Variants in ZNF512B observed in about 807,000 individuals in gnomAD.
ZNF512B encodes zinc finger protein 512B.
ZNF512B carries 22 observed loss-of-function variants against 87.8 expected under a neutral mutation model. That is an observed-to-expected ratio of 0.25 (90% CI 0.18 to 0.36). The LOEUF is 0.36. Ranked by LOEUF, ZNF512B falls within the 10% of genes least tolerant of loss-of-function variation. The pLI, the probability that ZNF512B is intolerant of heterozygous loss-of-function variation, is 1.00. For synonymous variants in ZNF512B, 524 were observed against 490.9 expected, an observed-to-expected ratio of 1.07 and a Z score of -0.89; for missense variants, 1,060 against 1,231.6, an observed-to-expected ratio of 0.86 and a Z score of 2.09.
At position 63,963,657 on chromosome 20, in the gene ZNF512B, G is replaced by C; in HGVS notation, c.1659C>G (p.Ala553=). 6.2e-7 allele frequency: 1 copy of C among 1,613,690 alleles called. No individual in the cohort carries two copies. The highest frequency in any genetic ancestry group is 8.5e-7 in the Non-Finnish European group (1 of 1,180,028). Residue 553 remains alanine, a synonymous_variant, in exon 10 of 17, where the codon GCC becomes GCG. Coordinates refer to ENST00000369888, the MANE Select transcript of ZNF512B (RefSeq NM_020713.3). ...CGGCCATAGTGTGGTAGTTGAGGCC[G>C]GCTTTGGACTTGAACTGCTTCCGGC... The part of the protein sequence containing the change: ...QHCRKQFKSK[A]GLNYHTMAEH...
At chr20:63,962,125 G>A (rs2058859414) in intron 14 of ZNF512B, 121 bp from the exon 15 acceptor site, 2 of 1,330,494 alleles carry the variant, frequency 1.5e-6, no homozygotes, top group African/African-American at 2.9e-5. Flanking sequence ...TGTGAGTCCT[G>A]GGGACTGGGC....
At position 63,961,676 on chromosome 20, in the gene ZNF512B, C is replaced by T. The variant is rs1036399011; in HGVS notation, c.2328+266G>A. 1.3e-5 allele frequency among the ~76,000 whole-genome samples: 2 copies of T among 152,020 alleles called. No individual in the cohort carries two copies. Among genetic ancestry groups the T allele is most frequent in the Non-Finnish European group, 2.9e-5 (2 of 67,986 alleles). The stretch of plus-strand genomic sequence containing the variant: ...AAGCCAGTGTGCCATCTGCGTGGGT[C>T]GGGGTGCCCACCCATGCCTACATGG... On this transcript the variant is annotated intron_variant, in intron 15 of 16. Coordinates refer to ENST00000369888, the MANE Select transcript of ZNF512B (RefSeq NM_020713.3). This position sits in a 1 kb window ranked among gnomAD's most constrained non-coding sequence, Gnocchi z 6.4.
chr20:63,959,911 C>A lies in ZNF512B; in HGVS notation c.2656G>T (p.Val886Phe), dbSNP rs764118510. ...ARGSTGRKVG[V>F]SKAPEK ...GCTCACTTTTCAGGCGCCTTGCTGA[C>A]TCCCACCTTCCGGCCGGTGGAGCCC... The change falls in exon 17 of 17, where the codon GTC becomes TTC. Residue 886 changes from valine (V) to phenylalanine (F), a missense_variant. Val to Phe is a conservative substitution (Grantham distance 50). This residue lies in a region of ZNF512B where 253 missense variants were observed against 259.2 expected (regional missense o/e 0.98). Transcript: ENST00000369888. 1 of 1,599,246 alleles carries A rather than the reference C, an allele frequency of 6.3e-7. No individual in the cohort carries two copies. The highest frequency in any genetic ancestry group is 1.1e-5 in the South Asian group (1 of 90,308).
At chr20:63,968,078 G>A in intron 1 of ZNF512B, 126 bp from the exon 2 acceptor site, 1 of 1,270,784 alleles carries the variant, frequency 7.9e-7, no homozygotes, top group South Asian at 1.5e-5. Flanking sequence ...GCCTTCCTGT[G>A]GTTTTGTTCA....
At chr20:63,966,846 C>G in intron 4 of ZNF512B, 30 bp downstream of exon 4, 1 of 1,612,832 alleles carries the variant, frequency 6.2e-7, no homozygotes, top group Non-Finnish European at 8.5e-7. Context: ...CACCCCGAGG[C>G]CTCCTCTCCC....
rs1448213281 is a variant in ZNF512B at position 63,963,637 on chromosome 20, A to G, written c.1679T>C (p.Met560Thr). 2 of 1,613,526 alleles carry G rather than the reference A, an allele frequency of 1.2e-6. No individual in the cohort carries two copies. Among genetic ancestry groups the G allele is most frequent in the East Asian group, 2.2e-5 (1 of 44,896 alleles). ...KSKAGLNYHT[M>T]AEHSAKPSDA... is the part of the protein sequence containing the mutation. ...CGGTACCTTGGCACTGTGCTCGGCC[A>G]TAGTGTGGTAGTTGAGGCCGGCTTT... is the stretch of plus-strand genomic sequence containing the variant. Residue 560 changes from methionine (M) to threonine (T), a missense_variant, in exon 10 of 17, where the codon ATG becomes ACG. Coordinates refer to ENST00000369888, the MANE Select transcript of ZNF512B (RefSeq NM_020713.3).
intron 1 of ZNF512B, chr20:63,969,163 A>G (rs2058955804): frequency 1.0e-6 from 1 of 985,356 alleles, no homozygotes; most frequent in Admixed American, 6.1e-5. Context: ...GGCCGGCATG[A>G]GTCATCCCAG....
chr20:63,964,517 C>T lies in ZNF512B; in HGVS notation c.1234G>A (p.Glu412Lys), dbSNP rs755632051. ...LKAAGPASPP[E>K]EDPERTKHRR... ...TGCTTTGTGCGCTCCGGGTCCTCCT[C>T]AGGCGGGGACGCAGGGCCTGCAGCC... is the stretch of plus-strand genomic sequence containing the variant. Residue 412 changes from glutamate to lysine, a missense_variant, in exon 6 of 17, where the codon GAG becomes AAG. By Grantham distance (56) the Glu-to-Lys change is moderately conservative. This residue lies in a region of ZNF512B where 212 missense variants were observed against 207.6 expected (regional missense o/e 1.02). Coordinates refer to ENST00000369888, the MANE Select transcript of ZNF512B (RefSeq NM_020713.3). The T allele has an allele frequency of 1.2e-6, 2 of 1,612,778 alleles. No homozygotes were observed. The highest frequency in any genetic ancestry group is 8.5e-7 in the Non-Finnish European group (1 of 1,179,898).
In ZNF512B at chr20:63,969,905, C is replaced by A. The variant is rs1601490966; in HGVS notation, c.-94G>T. 6.8e-6 allele frequency: 1 copy of A among 146,366 alleles called. No individual in the cohort carries two copies. The highest frequency in any genetic ancestry group is 2.0e-4 in the East Asian group (1 of 4,974). 9.1% of individuals were successfully genotyped at this position (146,366 alleles called of 1,614,324 possible). On this transcript the variant is annotated 5_prime_UTR_variant, in exon 1 of 17. Coordinates refer to ENST00000369888, the MANE Select transcript of ZNF512B (RefSeq NM_020713.3). ...CGCTGGGTCCGGGCGGCGCAGGCTG[C>A]GCGCCGCGCTGCGCACATGCGCGCT...
chr20:63,962,441 C>A (rs748804188), intron 13 of ZNF512B, 67 bp from the exon 14 acceptor site: 4 of 1,561,170 alleles, frequency 2.6e-6, no homozygotes, highest in Admixed American at 1.9e-5. Context: ...TAAGAACACT[C>A]GCCTCGGCAG....
At chr20:63,967,286 T>C in intron 3 of ZNF512B, 95 bp downstream of exon 3, 1 of 1,487,946 alleles carries the variant, frequency 6.7e-7, no homozygotes, top group South Asian at 1.3e-5. Flanking sequence ...AGGCATAGAG[T>C]TGGTACCAGA....
At position 63,967,486 on chromosome 20, in the gene ZNF512B, G is replaced by A; in HGVS notation, c.159C>T (p.Gly53=). The change falls in exon 3 of 17, where the codon GGC becomes GGT. Residue 53 remains glycine, a synonymous_variant. Transcript: ENST00000369888. ...PVVRGGQTVP[G]QAPLCFDPGS... is the part of the protein sequence containing the mutation. ...CCGGGTCAAAGCAGAGAGGGGCCTG[G>A]CCGGGCACTGTCTGTCCACCACGGA... 6.2e-7 allele frequency: 1 copy of A among 1,611,338 alleles called. No individual in the cohort carries two copies. The highest frequency in any genetic ancestry group is 8.5e-7 in the Non-Finnish European group (1 of 1,178,886).
At chr20:63,964,945 C>T (rs1318588659) in intron 5 of ZNF512B, among the ~76,000 whole-genome samples, 1 of 48,318 alleles carries the variant, frequency 2.1e-5, no homozygotes, top group Non-Finnish European at 4.2e-5. Flanking sequence ...GACGAGCCCC[C>T]ATACCTTTTC....
In ZNF512B at chr20:63,966,963, G is replaced by T; in HGVS notation, c.306C>A (p.His102Gln). 1 of 1,613,738 alleles carries T rather than the reference G, an allele frequency of 6.2e-7. No homozygotes were observed. The highest frequency in any genetic ancestry group is 1.7e-5 in the Admixed American group (1 of 60,028). ...MNDWKDEFKA[H>Q]SRVKCPNSGC... ...CTGAGTTTGGACACTTCACCCTCGA[G>T]TGTGCCTTGAACTCATCCTTCCAGT... Residue 102 changes from histidine (H) to glutamine (Q), a missense_variant, in exon 4 of 17, where the codon CAC becomes CAA. This residue lies in a region of ZNF512B where 134 missense variants were observed against 153.6 expected (regional missense o/e 0.87). Transcript: ENST00000369888.
intron 6 of ZNF512B, 22 bp from the exon 7 acceptor site, chr20:63,964,413 G>C (rs371367841): frequency 1.9e-4 from 305 of 1,613,694 alleles, no homozygotes; most frequent in Non-Finnish European, 2.4e-4. Flanking sequence ...AGAGAAAACG[G>C]GGGCCAAGAT....
chr20:63,960,016 G>C lies in ZNF512B; in HGVS notation c.2551C>G (p.Arg851Gly). 6.2e-7 allele frequency: 1 copy of C among 1,613,508 alleles called. No individual in the cohort carries two copies. Among genetic ancestry groups the C allele is most frequent in the South Asian group, 1.1e-5 (1 of 91,090 alleles). ...GKKRGRKPKE[R>G]TPEEPVAKLP... ...TTGGCCACAGGCTCCTCTGGGGTCC[G>C]CTCCTTGGGCTTTCGGCCCCGCTTC... The change falls in exon 17 of 17, where the codon CGG (arginine) becomes GGG (glycine). Residue 851 changes from arginine (R) to glycine (G), a missense_variant. Arg to Gly is a moderately radical substitution (Grantham distance 125). Around this residue, in one of 9 missense-constraint regions of ZNF512B, gnomAD observed 253 missense variants for 259.2 expected, o/e 0.98. Transcript: ENST00000369888.
Position 63,961,471 on chromosome 20 carries a change from A to C in ZNF512B, c.2329-64T>G. ...GGACCCAGATCTGTCCTAAGCCCCT[A>C]CTCATGGCTAAAGGGTCAGAGTCAG... is the stretch of plus-strand genomic sequence containing the variant. On this transcript the variant is annotated intron_variant, in intron 15 of 16. Coordinates refer to ENST00000369888, the MANE Select transcript of ZNF512B (RefSeq NM_020713.3). This position sits in a 1 kb window ranked among gnomAD's most constrained non-coding sequence, Gnocchi z 6.4. 6.7e-7 allele frequency: 1 copy of C among 1,484,918 alleles called. No individual in the cohort carries two copies. Among genetic ancestry groups the C allele is most frequent in the Non-Finnish European group, 9.3e-7 (1 of 1,073,932 alleles). 92.0% of individuals were successfully genotyped at this position (1,484,918 alleles called of 1,614,324 possible). A position where few individuals can be genotyped will look rare whatever the true frequency, so the allele number is the denominator to read the frequency against.
At chr20:63,966,019 TGTTCCCCGACCTGGGACGAGCCCCC>T (rs2058918977) in intron 5 of ZNF512B, 97 bp downstream of exon 5, 5 of 1,311,426 alleles carry the variant, frequency 3.8e-6, no homozygotes, top group African/African-American at 2.8e-5. Context: ...TTCTCACCAC[TGTTCCCCGACCTGGGACGAGCCCCC>T]ATACCTTTTC....
At chr20:63,969,198 G>T (rs1405363980) in intron 1 of ZNF512B, 1 of 985,262 alleles carries the variant, frequency 1.0e-6, no homozygotes, top group East Asian at 1.1e-4. Flanking sequence ...GGTGGCCTGG[G>T]GTGCAGGTGC....
Sources: gnomAD v4.1 joint callset for allele counts (sites outside exome capture counted in the v4.1 genomes callset) on GRCh38, gnomAD v4.1.1 for gene constraint, gnomAD v4.1.1 regional missense constraint, Gnocchi (gnomAD v3.1) non-coding constraint, MANE v1.5 for transcripts, NCBI Gene and HGNC (gene_info 2026-07-23, HGNC 2026-07-21) for gene names.